The following SLC49A4 variants were observed in gnomAD, a reference collection of about 807,000 sequenced individuals.
SLC49A4 encodes disrupted in renal cancer protein 2.
Under a neutral mutation model 50.6 loss-of-function variants are expected in SLC49A4, and 36 were observed. That is an observed-to-expected ratio of 0.71 (90% CI 0.55 to 0.94). SLC49A4 has a LOEUF of 0.94. Among genes scored for constraint, SLC49A4 ranks in the 40% least tolerant of loss-of-function variants. SLC49A4 has a pLI of 0.00. For missense variants in SLC49A4, 503 were observed against 605.7 expected, an observed-to-expected ratio of 0.83 and a Z score of 1.78; for synonymous variants, 248 against 241.2, an observed-to-expected ratio of 1.03 and a Z score of -0.26.
intron 5 of SLC49A4, among the ~76,000 whole-genome samples, chr3:122,851,861 C>T (rs1936931007): frequency 6.6e-6 from 1 of 151,766 alleles, no homozygotes; most frequent in Admixed American, 6.6e-5. Flanking sequence ...ATTCTTTTTC[C>T]TTTCTATGCT....
At chr3:122,834,469 G>C (rs979117838) in intron 4 of SLC49A4, among the ~76,000 whole-genome samples, 2 of 152,024 alleles carry the variant, frequency 1.3e-5, no homozygotes, top group African/African-American at 4.8e-5. Context: ...ATGATTTTTG[G>C]GTTAACAATG....
intron 5 of SLC49A4, among the ~76,000 whole-genome samples, chr3:122,846,812 T>A (rs1936859722): frequency 6.6e-6 from 1 of 152,210 alleles, no homozygotes; most frequent in Admixed American, 6.5e-5. Flanking sequence ...TCTTGTGACA[T>A]ACTAGTTTGA....
intron 8 of SLC49A4, among the ~76,000 whole-genome samples, chr3:122,874,058 A>T (rs1182145448): frequency 6.6e-6 from 1 of 152,186 alleles, no homozygotes; most frequent in Non-Finnish European, 1.5e-5. Flanking sequence ...TAAAAAGAAC[A>T]ACAGCAGGTG....
chr3:122,850,302 A>G (rs527294662), intron 5 of SLC49A4, among the ~76,000 whole-genome samples: 1 of 152,350 alleles, frequency 6.6e-6, no homozygotes, highest in South Asian at 2.1e-4. Context: ...AAATGGAAAT[A>G]CCACTACTAA....
At chr3:122,838,504 A>G in intron 4 of SLC49A4, among the ~76,000 whole-genome samples, 1 of 146,238 alleles carries the variant, frequency 6.8e-6, no homozygotes, top group Admixed American at 6.9e-5. Context: ...GGAATTGAAC[A>G]ATGAGAACAC....
intron 2 of SLC49A4, among the ~76,000 whole-genome samples, chr3:122,810,568 C>A (rs1936283973): frequency 6.6e-6 from 1 of 152,298 alleles, no homozygotes; most frequent in East Asian, 1.9e-4. Context: ...TCCTGTAACA[C>A]ATGCCATGTA....
At chr3:122,841,717 G>A (rs1466209307) in intron 4 of SLC49A4, among the ~76,000 whole-genome samples, 1 of 152,158 alleles carries the variant, frequency 6.6e-6, no homozygotes, top group Non-Finnish European at 1.5e-5. Context: ...TCAGTGAGGT[G>A]ACAGCCATTT....
At chr3:122,813,851 G>T (rs1268819386) in intron 2 of SLC49A4, among the ~76,000 whole-genome samples, 2 of 152,090 alleles carry the variant, frequency 1.3e-5, no homozygotes, top group South Asian at 4.1e-4. Flanking sequence ...TTACATATTA[G>T]TTTAAAAAAA....
At chr3:122,796,393 T>C (rs955676374) in intron 1 of SLC49A4, among the ~76,000 whole-genome samples, 1 of 152,242 alleles carries the variant, frequency 6.6e-6, no homozygotes, top group African/African-American at 2.4e-5. Context: ...AGTTCTTTAG[T>C]CAGATTTGGA....
At chr3:122,869,139 ATAAG>A (rs1410291505) in intron 7 of SLC49A4, among the ~76,000 whole-genome samples, 2 of 152,228 alleles carry the variant, frequency 1.3e-5, no homozygotes, top group East Asian at 1.9e-4. Flanking sequence ...ATTTTATTAA[ATAAG>A]TAAGCTATAC....
At chr3:122,801,667 A>G (rs1936135121) in intron 1 of SLC49A4, among the ~76,000 whole-genome samples, 1 of 152,248 alleles carries the variant, frequency 6.6e-6, no homozygotes, top group African/African-American at 2.4e-5. Flanking sequence ...AACCAAAAGC[A>G]TGGATGGCAG....
rs1560233840 is a variant in SLC49A4, at chr3:122,860,067, G to T, written c.1011-8G>T. ...CCACTAGAATTAATAGAGCATTTTT[G>T]TTTTTAGGTTTGCAGATTTTATCAG... On this transcript the variant is annotated splice_polypyrimidine_tract_variant and splice_region_variant and intron_variant, in intron 6 of 8. Transcript: ENST00000261038. The T allele has an allele frequency of 6.3e-7, 1 of 1,599,034 alleles. No homozygotes were observed.
chr3:122,856,474 T>A, intron 6 of SLC49A4, 100 bp downstream of exon 6: 1 of 1,129,080 alleles, frequency 8.9e-7, no homozygotes, highest in South Asian at 1.4e-5. Flanking sequence ...CAGGGAAAAG[T>A]AAAACAAGCA....
intron 4 of SLC49A4, among the ~76,000 whole-genome samples, chr3:122,837,323 T>G (rs890239012): frequency 2.0e-5 from 3 of 152,148 alleles, no homozygotes; most frequent in Admixed American, 1.3e-4. Flanking sequence ...ACTACAAGGC[T>G]ACAGTAACCA....
At chr3:122,797,160 T>TA (rs200837807) in intron 1 of SLC49A4, among the ~76,000 whole-genome samples, 4,870 of 152,076 alleles carry the variant, frequency 0.032, 108 homozygotes, top group Middle Eastern at 0.078. Flanking sequence ...ATGTAGCTGC[T>TA]AAAAAAGAAA....
intron 1 of SLC49A4, among the ~76,000 whole-genome samples, chr3:122,799,303 G>A (rs184826175): frequency 6.6e-6 from 1 of 152,318 alleles, no homozygotes; most frequent in Non-Finnish European, 1.5e-5. Flanking sequence ...TTTACATAAG[G>A]TTTTAGGGAA....
Position 122,856,336 on chromosome 3 carries a change from C to T in SLC49A4, c.972C>T (p.Ser324=). Residue 324 remains serine, a synonymous_variant, in exon 6 of 9, where the codon TCC becomes TCT. Coordinates refer to ENST00000261038, the MANE Select transcript of SLC49A4 (RefSeq NM_032839.3). ...QVDAGWIGFW[S]IVGGCVVGIA... ...ATGCTGGCTGGATTGGATTTTGGTC[C>T]ATAGTTGGAGGCTGTGTTGTTGGAA... 1 of 1,613,800 alleles carries T rather than the reference C, an allele frequency of 6.2e-7. No individual in the cohort carries two copies. The highest frequency in any genetic ancestry group is 8.5e-7 in the Non-Finnish European group (1 of 1,179,920).
At chr3:122,839,646 A>G (rs773224952) in intron 4 of SLC49A4, among the ~76,000 whole-genome samples, 2 of 152,206 alleles carry the variant, frequency 1.3e-5, no homozygotes, top group Non-Finnish European at 2.9e-5. Context: ...AATGCTCAAC[A>G]TCACTAATCA....
chr3:122,846,539 T>C (rs1453817421), intron 5 of SLC49A4, among the ~76,000 whole-genome samples: 1 of 152,226 alleles, frequency 6.6e-6, no homozygotes, highest in Admixed American at 6.5e-5. Context: ...CTATACACAT[T>C]TCTACTGGAT....
Sources: allele counts gnomAD v4.1 joint callset (sites outside exome capture counted in the v4.1 genomes callset), GRCh38; gene constraint gnomAD v4.1.1; transcripts MANE v1.5; gene names NCBI Gene and HGNC (gene_info 2026-07-23, HGNC 2026-07-21).